Variants in ASH1L observed in about 807,000 individuals in gnomAD.
ASH1L encodes histone-lysine N-methyltransferase ASH1L.
In ASH1L, 23 loss-of-function variants were observed where a neutral mutation model predicts 269.0. The ratio of observed to expected loss-of-function variants is 0.09; its 90% CI spans 0.06 to 0.12. The LOEUF (loss-of-function observed/expected upper bound fraction) is 0.12, where lower values mean the gene tolerates loss of function less well. ASH1L is among the 10% of genes least tolerant of loss of function. The pLI, the probability that ASH1L is intolerant of heterozygous loss-of-function variation, is 1.00. For synonymous variants in ASH1L, 1,187 were observed against 1,253.5 expected (o/e 0.95, Z 1.12); for missense variants, 2,912 against 3,567.8 (o/e 0.82, Z 4.68).
intron 2 of ASH1L, among the ~76,000 whole-genome samples, chr1:155,503,732 T>C (rs1019360033): frequency 6.6e-6 from 1 of 152,186 alleles, no homozygotes; most frequent in African/African-American, 2.4e-5. Flanking sequence ...TAAGTCCTTA[T>C]CCAATCATAT....
chr1:155,370,758 T>A lies in ASH1L; in HGVS notation c.6539+19A>T, dbSNP rs1488674426. The A allele has an allele frequency of 6.2e-7, 1 of 1,614,020 alleles. No homozygotes were observed. ...TATACCTTGGCATTTTATTAGAGTATCATCATTTACCACCGTACCTGAACT... is the reference window on the plus strand; with the variant it reads ...TATACCTTGGCATTTTATTAGAGTAACATCATTTACCACCGTACCTGAACT... On this transcript the variant is annotated intron_variant, in intron 11 of 27. Coordinates refer to ENST00000392403, the MANE Select transcript of ASH1L (RefSeq NM_018489.3).
chr1:155,472,974 T>C (rs1464463952), intron 3 of ASH1L, among the ~76,000 whole-genome samples: 1 of 152,200 alleles, frequency 6.6e-6, no homozygotes, highest in African/African-American at 2.4e-5. Context: ...ACTCTCATGA[T>C]TATACATATA....
At chr1:155,509,888 A>G (rs1403805702) in intron 2 of ASH1L, among the ~76,000 whole-genome samples, 2 of 152,180 alleles carry the variant, frequency 1.3e-5, no homozygotes, top group African/African-American at 4.8e-5. Flanking sequence ...ATAAACCATA[A>G]CAAACTCCAA....
intron 1 of ASH1L, among the ~76,000 whole-genome samples, chr1:155,536,751 AAAAG>A (rs1670085064): frequency 6.6e-6 from 1 of 151,946 alleles, no homozygotes; most frequent in Admixed American, 6.6e-5. Context: ...GTTAAAAGAA[AAAAG>A]AAAGAGGCCA....
intron 25 of ASH1L, among the ~76,000 whole-genome samples, chr1:155,340,024 AAAGCTAGTCAGT>A (rs1388854094): frequency 1.3e-5 from 2 of 152,172 alleles, no homozygotes; most frequent in Admixed American, 1.3e-4. Flanking sequence ...CTGGGGTTTC[AAAGCTAGTCAGT>A]AAGCTATTGA....
At chr1:155,497,548 T>C (rs2148784101) in intron 2 of ASH1L, among the ~76,000 whole-genome samples, 1 of 152,314 alleles carries the variant, frequency 6.6e-6, no homozygotes, top group East Asian at 1.9e-4. Context: ...ATAATACATA[T>C]AACATTAAAT....
At chr1:155,556,166 G>A (rs904149561) in intron 1 of ASH1L, among the ~76,000 whole-genome samples, 2 of 152,178 alleles carry the variant, frequency 1.3e-5, no homozygotes, top group Admixed American at 6.5e-5. Context: ...AGGACCACAT[G>A]AGTCCAAGAG....
rs145625199 is a variant in ASH1L at position 155,426,721 on chromosome 1, C to A, written c.5829-10798G>T. The stretch of plus-strand genomic sequence containing the variant: ...ATGACATACTTTTTAATTTTTTTGA[C>A]TATTTCTAGGCTACACCTACTATGT... On this transcript the variant is annotated intron_variant, in intron 5 of 27. Transcript: ENST00000392403. Among the ~76,000 whole-genome samples, 502 of 152,152 alleles carry A rather than the reference C, an allele frequency of 3.3e-3. 3 individuals are homozygous for A. The highest frequency in any genetic ancestry group is 0.012 in the African/African-American group (485 of 41,518).
intron 3 of ASH1L, among the ~76,000 whole-genome samples, chr1:155,475,318 G>A (rs1665456493): frequency 6.6e-6 from 1 of 152,046 alleles, no homozygotes; most frequent in African/African-American, 2.4e-5. Flanking sequence ...TGTATTTTTA[G>A]TAGAGATGGG....
At chr1:155,382,931 C>T (rs944675949) in intron 7 of ASH1L, among the ~76,000 whole-genome samples, 10 of 152,292 alleles carry the variant, frequency 6.6e-5, no homozygotes, top group African/African-American at 2.4e-4. Flanking sequence ...CCATGTTGCC[C>T]AGGCTGGTCT....
chr1:155,432,842 C>T (rs938597416), intron 5 of ASH1L, among the ~76,000 whole-genome samples: 1 of 152,190 alleles, frequency 6.6e-6, no homozygotes, highest in Non-Finnish European at 1.5e-5. Context: ...CTCAAGCGAT[C>T]CCCCCACCTC....
intron 6 of ASH1L, among the ~76,000 whole-genome samples, chr1:155,411,259 T>A (rs1200931139): frequency 6.6e-6 from 1 of 152,102 alleles, no homozygotes; most frequent in Non-Finnish European, 1.5e-5. Context: ...CTTTCAAGAA[T>A]GCATACATGT....
At chr1:155,517,695 G>C (rs1336342782) in intron 2 of ASH1L, among the ~76,000 whole-genome samples, 4 of 149,554 alleles carry the variant, frequency 2.7e-5, no homozygotes, top group Non-Finnish European at 5.9e-5. Context: ...CTACAGTAAT[G>C]AAAACAGTGT....
In ASH1L at chr1:155,491,062, C is replaced by T. The variant is rs1026397539; in HGVS notation, c.421-8613G>A. Reference sequence around the variant, plus strand: ...TATTTGACTTATCTATTATTCTAAACGTCTTTTCACATGATTTTGCTGGCC... The same window carrying T: ...TATTTGACTTATCTATTATTCTAAATGTCTTTTCACATGATTTTGCTGGCC... On this transcript the variant is annotated intron_variant, in intron 2 of 27. Coordinates refer to ENST00000392403, the MANE Select transcript of ASH1L (RefSeq NM_018489.3). Among the ~76,000 whole-genome samples the T allele has an allele frequency of 2.8e-5, 4 of 140,504 alleles. No homozygotes were observed. In the East Asian group the frequency reaches 6.2e-4, roughly 22 times the overall value. The allele number at this position is 140,504 out of a possible 152,430, so 92.2% of individuals were successfully genotyped here.
chr1:155,398,529 T>C (rs1163632448), intron 6 of ASH1L, among the ~76,000 whole-genome samples: 1 of 152,156 alleles, frequency 6.6e-6, no homozygotes, highest in Non-Finnish European at 1.5e-5. Context: ...GTACACTTTA[T>C]AGTATAGAGT....
chr1:155,551,190 C>T (rs1000307737), intron 1 of ASH1L, among the ~76,000 whole-genome samples: 2 of 152,066 alleles, frequency 1.3e-5, no homozygotes, highest in Non-Finnish European at 1.5e-5. Context: ...TGATTCTTAA[C>T]AGATGATTTA....
At chr1:155,373,567 G>C (rs1424524084) in intron 10 of ASH1L, among the ~76,000 whole-genome samples, 1 of 152,122 alleles carries the variant, frequency 6.6e-6, no homozygotes, top group African/African-American at 2.4e-5. Context: ...AAATGCTAGG[G>C]ATTACAGCAT....
At chr1:155,448,322 T>C (rs10752610) in intron 4 of ASH1L, among the ~76,000 whole-genome samples, 140,525 of 152,242 alleles carry the variant, frequency 0.92, 65,465 homozygotes, top group East Asian at 1. Flanking sequence ...CTATTCTGGG[T>C]TAATTTTTAT....
In ASH1L at chr1:155,415,787, ACTT is replaced by A. The variant is rs1337874673; in HGVS notation, c.5962_5964del (p.Lys1988del). On this transcript the variant is annotated inframe_deletion, in exon 6 of 28. Transcript: ENST00000392403. ...TCAGAATACAGCCCTGCTTTCTGATACTTCTTCTTTGGGGGACGTGGGGGCTTC... is the reference window on the plus strand; with the variant it reads ...TCAGAATACAGCCCTGCTTTCTGATACTTCTTTGGGGGACGTGGGGGCTTC... 4.3e-6 allele frequency: 7 copies of A among 1,614,018 alleles called. No individual in the cohort carries two copies. The highest frequency in any genetic ancestry group is 1.7e-5 in the Admixed American group (1 of 59,962).
Sources: allele counts gnomAD v4.1 joint callset (sites outside exome capture counted in the v4.1 genomes callset), GRCh38; gene constraint gnomAD v4.1.1; transcripts MANE v1.5; gene names NCBI Gene and HGNC (gene_info 2026-07-23, HGNC 2026-07-21).